The following ITIH1 variants were observed in gnomAD, a reference collection of about 807,000 sequenced individuals.
The protein encoded by ITIH1 is inter-alpha-trypsin inhibitor heavy chain H1.
In ITIH1, 94 loss-of-function variants were observed where a neutral mutation model predicts 104.6. The ratio of observed to expected loss-of-function variants is 0.90; its 90% confidence interval spans 0.76 to 1.07. The LOEUF (loss-of-function observed/expected upper bound fraction) is 1.07, where lower values mean the gene tolerates loss of function less well. ITIH1 is among the 50% of genes least tolerant of loss of function. The pLI is 0.00. For synonymous variants in ITIH1, 455 were observed against 464.4 expected (o/e 0.98, Z 0.26); for missense variants, 1,193 against 1,181.4 (o/e 1.01, Z -0.14).
Position 52,779,790 on chromosome 3 carries a change from T to G in ITIH1, c.573+196T>G. ...AATTCTCTAACTTCCTCTTTATCTC[T>G]GAGCTTCGGTTTGCTCATCTGCTAG... On this transcript the variant is annotated intron_variant, in intron 5 of 21. Coordinates refer to ENST00000273283, the MANE Select transcript of ITIH1 (RefSeq NM_002215.4). The surrounding 1 kb of genome is among the most constrained non-coding windows in gnomAD (Gnocchi z 4.4). 1.9e-6 allele frequency: 2 copies of G among 1,057,778 alleles called. No homozygotes were observed. The highest frequency in any genetic ancestry group is 2.7e-6 in the Non-Finnish European group (2 of 749,600). The allele number at this position is 1,057,778 out of a possible 1,614,324, so 65.5% of individuals were successfully genotyped here.
chr3:52,787,712 C>T (rs1699237899), intron 16 of ITIH1, 100 bp downstream of exon 16: 1 of 1,357,652 alleles, frequency 7.4e-7, no homozygotes, highest in African/African-American at 1.4e-5. Flanking sequence ...CTGCTTGTCA[C>T]TGGGAATCTT....
In ITIH1 at chr3:52,787,108, T is replaced by G; in HGVS notation, c.1888+9T>G. 1 of 1,614,232 alleles carries G rather than the reference T, an allele frequency of 6.2e-7. No individual in the cohort carries two copies. Among genetic ancestry groups the G allele is most frequent in the East Asian group, 2.2e-5 (1 of 44,888 alleles). On this transcript the variant is annotated intron_variant, in intron 14 of 21. Coordinates refer to ENST00000273283, the MANE Select transcript of ITIH1 (RefSeq NM_002215.4). ...CGACAAGCCCTCAGAGGGTATAGGC[T>G]GCAGGGGTCTACAGAAGGGAGAGGC...
chr3:52,781,660 T>A (rs1262375740), intron 6 of ITIH1, among the ~76,000 whole-genome samples: 1 of 152,176 alleles, frequency 6.6e-6, no homozygotes, highest in Admixed American at 6.5e-5. Flanking sequence ...ATGTATCACA[T>A]TGCTATTATT....
chr3:52,777,644 T>C lies in ITIH1; in HGVS notation c.29T>C (p.Leu10Pro), dbSNP rs1400837792. The C allele has an allele frequency of 6.3e-7, 1 of 1,598,984 alleles. No homozygotes were observed. MDGAMGPRG[L>P]LLCMYLVSLL... ...GACGGTGCCATGGGGCCTCGGGGGC[T>C]GCTGTTGTGCATGTACCTGGTATCT... Residue 10 changes from leucine (L) to proline (P), a missense_variant, in exon 1 of 22, where the codon CTG becomes CCG. Coordinates refer to ENST00000273283, the MANE Select transcript of ITIH1 (RefSeq NM_002215.4).
rs1698941260 is a variant in ITIH1, at chr3:52,777,710, C to T, written c.95C>T (p.Thr32Ile). The change falls in exon 1 of 22, where the codon ACA becomes ATA. Residue 32 changes from threonine (T) to isoleucine (I), a missense_variant. Transcript: ENST00000273283. Reference protein sequence around the residue: ...LQAMPALGSATGRSKSSEKRQ... With the variant: ...LQAMPALGSAIGRSKSSEKRQ... The stretch of plus-strand genomic sequence containing the variant: ...GCCATGCCTGCCCTGGGCTCGGCTA[C>T]AGGCAGGTCCAAGAGCAGCGAGGTA... 4 of 1,595,278 alleles carry T rather than the reference C, an allele frequency of 2.5e-6. No individual in the cohort carries two copies. The highest frequency in any genetic ancestry group is 3.4e-6 in the Non-Finnish European group (4 of 1,171,638).
chr3:52,791,112 C>T (rs954707761), intron 20 of ITIH1, among the ~76,000 whole-genome samples, 191 bp downstream of exon 20: 4 of 152,154 alleles, frequency 2.6e-5, no homozygotes, highest in African/African-American at 7.2e-5. Context: ...GTGAAACAAA[C>T]GCTTAAGCGA....
At chr3:52,782,793 C>T (rs902276064) in intron 8 of ITIH1, among the ~76,000 whole-genome samples, 164 bp from the exon 9 acceptor site, 1 of 152,072 alleles carries the variant, frequency 6.6e-6, no homozygotes, top group Admixed American at 6.5e-5. Flanking sequence ...CCTCATCCAC[C>T]CCAAGGCCCG....
At chr3:52,784,522 G>A (rs1559463370) in intron 11 of ITIH1, 45 bp downstream of exon 11, 3 of 1,568,832 alleles carry the variant, frequency 1.9e-6, no homozygotes, top group Non-Finnish European at 2.6e-6. Flanking sequence ...ATGCCATAGG[G>A]AGCCCTGCCT....
At position 52,786,965 on chromosome 3, in the gene ITIH1, A is replaced by T. The variant is rs678; in HGVS notation, c.1754A>T (p.Glu585Val). Residue 585 changes from glutamate (E) to valine (V), a missense_variant, in exon 14 of 22, where the codon GAG becomes GTG. Physicochemically the swap from Glu to Val is moderately radical, Grantham distance 121. Transcript: ENST00000273283. The part of the protein sequence containing the change: ...LAKRMKVDRE[E>V]RANLSSQALQ... ...TGCAGGATGAAGGTGGACAGGGAGG[A>T]GAGGGCCAACCTGTCATCCCAGGCC... is the stretch of plus-strand genomic sequence containing the variant. The T allele has an allele frequency of 0.35, 564,870 of 1,612,586 alleles. 102,907 individuals carry two copies. The highest frequency in any genetic ancestry group is 0.49 in the Admixed American group (29,497 of 59,872).
chr3:52,781,845 A>G (rs1391611027), intron 6 of ITIH1, 95 bp from the exon 7 acceptor site: 2 of 1,506,204 alleles, frequency 1.3e-6, no homozygotes, highest in Non-Finnish European at 1.8e-6. Flanking sequence ...GCAAACACAC[A>G]CACACACACA....
In ITIH1 at chr3:52,786,839, C is replaced by CGAATGAATGAATGAAT. The variant is rs36051478; in HGVS notation, c.1734-89_1734-74dup. 6.1e-4 allele frequency: 719 copies of CGAATGAATGAATGAAT among 1,174,750 alleles called. 4 individuals carry two copies. In the African/African-American group the frequency reaches 0.01, roughly 17 times the overall value. The allele number at this position is 1,174,750 out of a possible 1,614,324, so 72.8% of individuals were successfully genotyped here. A position where few individuals can be genotyped will look rare whatever the true frequency, so the allele number is the denominator to read the frequency against. ...CCATGGGGGCTTAATACTTATGTGT[C>CGAATGAATGAATGAAT]GAATGAATGAATGAATGAATGAATG... On this transcript the variant is annotated intron_variant, in intron 13 of 21. Coordinates refer to ENST00000273283, the MANE Select transcript of ITIH1 (RefSeq NM_002215.4).
intron 12 of ITIH1, 25 bp from the exon 13 acceptor site, chr3:52,786,270 C>A: frequency 6.4e-7 from 1 of 1,560,192 alleles, no homozygotes; most frequent in South Asian, 1.2e-5. Context: ...TGGTGCACCA[C>A]CCCTCTCTGT....
chr3:52,778,060 T>TAGTAAAGACCTG (rs1300134127), intron 2 of ITIH1, 43 bp downstream of exon 2: 1 of 1,610,870 alleles, frequency 6.2e-7, no homozygotes, highest in Admixed American at 1.7e-5. Flanking sequence ...CAGAGCCCTT[T>TAGTAAAGACCTG]TTACAGGCTT....
At position 52,783,338 on chromosome 3, in the gene ITIH1, G is replaced by C. The variant is rs370222326; in HGVS notation, c.1224G>C (p.Glu408Asp). The change falls in exon 10 of 22, where the codon GAG becomes GAC. Residue 408 changes from glutamate (E) to aspartate (D), a missense_variant and splice_region_variant. Glu to Asp is a conservative substitution (Grantham distance 45, BLOSUM62 2). Coordinates refer to ENST00000273283, the MANE Select transcript of ITIH1 (RefSeq NM_002215.4). ...TGTTGACAGATGGCGATCCCACAGA[G>C]GGTAAGCACCTTGGGGGCTGCCTTG... is the stretch of plus-strand genomic sequence containing the variant. ...LIMLTDGDPT[E>D]GVTDRSQILK... is the part of the protein sequence containing the mutation. 1 of 1,613,844 alleles carries C rather than the reference G, an allele frequency of 6.2e-7. No individual in the cohort carries two copies. The highest frequency in any genetic ancestry group is 2.2e-5 in the East Asian group (1 of 44,868).
At chr3:52,777,907 A>C in intron 1 of ITIH1, 90 bp from the exon 2 acceptor site, 2 of 1,523,434 alleles carry the variant, frequency 1.3e-6, no homozygotes, top group Non-Finnish European at 1.8e-6. Flanking sequence ...GGCAGAGGAC[A>C]CAGGCTGTGT....
intron 19 of ITIH1, chr3:52,790,193 C>A: frequency 5.2e-6 from 2 of 385,710 alleles, no homozygotes; most frequent in South Asian, 6.5e-5. Context: ...TGCTGAACTC[C>A]AGATTTCTCT....
intron 18 of ITIH1, among the ~76,000 whole-genome samples, chr3:52,788,550 G>A (rs1053672203): frequency 4.7e-5 from 7 of 148,948 alleles, no homozygotes; most frequent in Non-Finnish European, 1.0e-4. Flanking sequence ...GACTGGGGTA[G>A]GCACACAGGG....
rs1482238367 is a variant in ITIH1, at chr3:52,779,630, T to C, written c.573+36T>C. The C allele has an allele frequency of 6.2e-7, 1 of 1,603,414 alleles. No homozygotes were observed. Among genetic ancestry groups the C allele is most frequent in the Admixed American group, 1.7e-5 (1 of 60,014 alleles). On this transcript the variant is annotated intron_variant, in intron 5 of 21. Coordinates refer to ENST00000273283, the MANE Select transcript of ITIH1 (RefSeq NM_002215.4). This position sits in a 1 kb window ranked among gnomAD's most constrained non-coding sequence, Gnocchi z 4.4. ...GGTCCCGGGGCAGGGGTCCTGCCCC[T>C]CTCTCCGTCACCATGGCTCCCAACA...
Position 52,781,206 on chromosome 3 carries a change from TTTTTCTTCTTCTTCTTCTTC to T in ITIH1, c.688-731_688-712del, listed in dbSNP as rs1360508830. Among the ~76,000 whole-genome samples, 150 of 74,526 alleles carry T rather than the reference TTTTTCTTCTTCTTCTTCTTC, an allele frequency of 2.0e-3. 6 individuals are homozygous for T. The highest frequency in any genetic ancestry group is 7.0e-3 in the Middle Eastern group (1 of 142). 48.9% of individuals were successfully genotyped at this position (74,526 alleles called of 152,430 possible). A position where few individuals can be genotyped will look rare whatever the true frequency, so the allele number is the denominator to read the frequency against. ...TTCACCTCCTCCTCTTCTTTTTTTT[TTTTTCTTCTTCTTCTTCTTC>T]TTCTTCTTCTTCTTCTTCTTCTTCT... On this transcript the variant is annotated intron_variant, in intron 6 of 21. Transcript: ENST00000273283.
Sources: gnomAD v4.1 joint callset for allele counts (sites outside exome capture counted in the v4.1 genomes callset) on GRCh38, gnomAD v4.1.1 for gene constraint, Gnocchi (gnomAD v3.1) non-coding constraint, MANE v1.5 for transcripts, NCBI Gene and HGNC (gene_info 2026-07-23, HGNC 2026-07-21) for gene names.